DOCK4: variants seen among roughly 807,000 people sequenced by gnomAD.
DOCK4 encodes the protein dedicator of cytokinesis 4, also known as dedicator of cytokinesis protein 4.
DOCK4 carries 97 observed loss-of-function variants against 268.1 expected under a neutral mutation model. The observed-to-expected ratio is 0.36, with a 90% CI of 0.31 to 0.43. The LOEUF is 0.43. Ranked by LOEUF, DOCK4 falls within the 20% of genes least tolerant of loss-of-function variation. The probability of loss-of-function intolerance (pLI) is 1.00; values close to 1 mark genes in which losing one functional copy is unlikely to be tolerated. For synonymous variants in DOCK4, 954 were observed against 887.2 expected (o/e 1.08, Z -1.34); for missense variants, 2,145 against 2,455.7 (o/e 0.87, Z 2.67).
chr7:111,917,660 C>T (rs1030917915), intron 12 of DOCK4, among the ~76,000 whole-genome samples: 5 of 150,892 alleles, frequency 3.3e-5, no homozygotes, highest in Admixed American at 1.3e-4. Flanking sequence ...GAGCCGAGAT[C>T]GCACAGCTGC....
At chr7:112,136,248 T>C (rs1481567070) in intron 1 of DOCK4, among the ~76,000 whole-genome samples, 3 of 152,152 alleles carry the variant, frequency 2.0e-5, no homozygotes, top group African/African-American at 7.2e-5. Context: ...ATAGAAACTA[T>C]GAAGGACTAG....
chr7:112,023,631 T>G (rs1035781944), intron 1 of DOCK4: 2 of 452,846 alleles, frequency 4.4e-6, no homozygotes, highest in Non-Finnish European at 8.9e-6. Context: ...TTTGTTTGTT[T>G]TTAAAAACTC....
intron 23 of DOCK4, among the ~76,000 whole-genome samples, chr7:111,859,713 G>A (rs1402170238): frequency 3.3e-5 from 5 of 149,962 alleles, no homozygotes; most frequent in South Asian, 2.1e-4. Context: ...GACTACAGGC[G>A]CCCGCCACTA....
In DOCK4 at chr7:111,783,857, C is replaced by G. The variant is rs1397186926; in HGVS notation, c.3524G>C (p.Arg1175Thr). ...TRLMERLLDY[R>T]DCMKMGEVDG... ...CAGAAAAACATGCGACTTGGCTTAC[C>G]TGTAATCTAACAACCTCTCCATTAG... Residue 1175 changes from arginine to threonine, a missense_variant and splice_region_variant, in exon 34 of 53, where the codon AGG becomes ACG. By Grantham distance (71) the Arg-to-Thr change is moderately conservative. This residue lies in a region of DOCK4 where 1,598 missense variants were observed against 1,986.7 expected (regional missense o/e 0.80). Coordinates refer to ENST00000428084, the MANE Select transcript of DOCK4 (RefSeq NM_001363540.2). 1 of 1,597,422 alleles carries G rather than the reference C, an allele frequency of 6.3e-7. No individual in the cohort carries two copies. Among genetic ancestry groups the G allele is most frequent in the Non-Finnish European group, 8.5e-7 (1 of 1,171,434 alleles).
intron 26 of DOCK4, among the ~76,000 whole-genome samples, chr7:111,826,763 A>T (rs1586104695): frequency 6.6e-6 from 1 of 152,122 alleles, no homozygotes; most frequent in Non-Finnish European, 1.5e-5. Context: ...GGGCTGAAAA[A>T]CTACCTATTG....
At chr7:112,135,624 C>T (rs1814261265) in intron 1 of DOCK4, among the ~76,000 whole-genome samples, 1 of 152,026 alleles carries the variant, frequency 6.6e-6, no homozygotes, top group Non-Finnish European at 1.5e-5. Context: ...CTTGATTAAG[C>T]TGCCTGTAGA....
At chr7:112,149,148 TA>T (rs1815800566) in intron 1 of DOCK4, among the ~76,000 whole-genome samples, 1 of 152,198 alleles carries the variant, frequency 6.6e-6, no homozygotes, top group South Asian at 2.1e-4. Flanking sequence ...AAGAGAGACT[TA>T]TGATTCATTA....
chr7:112,129,799 C>A (rs974456361), intron 1 of DOCK4, among the ~76,000 whole-genome samples: 2 of 152,104 alleles, frequency 1.3e-5, no homozygotes, highest in African/African-American at 4.8e-5. Flanking sequence ...AACATTCCTC[C>A]TTTTATGGGG....
At chr7:112,118,023 G>A (rs953957858) in intron 1 of DOCK4, among the ~76,000 whole-genome samples, 2 of 152,032 alleles carry the variant, frequency 1.3e-5, no homozygotes, top group Admixed American at 6.5e-5. Flanking sequence ...ATCCATGCAC[G>A]ATTTTCTACA....
chr7:111,940,758 G>A (rs561637555), intron 10 of DOCK4, among the ~76,000 whole-genome samples: 7 of 152,136 alleles, frequency 4.6e-5, no homozygotes, highest in Admixed American at 1.3e-4. Flanking sequence ...TCACCAAAAT[G>A]GTTTTAACTG....
At chr7:111,898,011 C>T (rs1176410592) in intron 15 of DOCK4, among the ~76,000 whole-genome samples, 1 of 152,176 alleles carries the variant, frequency 6.6e-6, no homozygotes, top group Non-Finnish European at 1.5e-5. Flanking sequence ...AAATCTCTTA[C>T]TTGGAAGACT....
At chr7:112,180,388 A>G (rs1351430452) in intron 1 of DOCK4, among the ~76,000 whole-genome samples, 1 of 152,108 alleles carries the variant, frequency 6.6e-6, no homozygotes, top group African/African-American at 2.4e-5. Flanking sequence ...GACAACTTTT[A>G]CCCCGACAGG....
intron 7 of DOCK4, among the ~76,000 whole-genome samples, chr7:111,983,510 C>A (rs1255871412): frequency 6.6e-6 from 1 of 152,010 alleles, no homozygotes; most frequent in Admixed American, 6.6e-5. Flanking sequence ...TTTGGATTTT[C>A]AGAACTTAGT....
At chr7:111,944,968 C>T (rs1795503639) in intron 9 of DOCK4, 97 bp from the exon 10 acceptor site, 3 of 906,770 alleles carry the variant, frequency 3.3e-6, no homozygotes, top group Non-Finnish European at 5.4e-6. Flanking sequence ...AAGAGATGGA[C>T]ACAGACATTC....
chr7:111,816,544 A>C (rs538723435), intron 27 of DOCK4, among the ~76,000 whole-genome samples: 85 of 152,344 alleles, frequency 5.6e-4, no homozygotes, highest in African/African-American at 1.7e-3. Flanking sequence ...ACCAGGCCCA[A>C]CCAGGTGATT....
At chr7:112,129,584 A>C (rs1446115489) in intron 1 of DOCK4, among the ~76,000 whole-genome samples, 1 of 152,200 alleles carries the variant, frequency 6.6e-6, no homozygotes, top group Non-Finnish European at 1.5e-5. Flanking sequence ...TACCAATTTT[A>C]ATAAATTGGT....
chr7:111,961,611 A>C (rs1210979184), intron 8 of DOCK4, among the ~76,000 whole-genome samples: 2 of 152,242 alleles, frequency 1.3e-5, no homozygotes, highest in Non-Finnish European at 1.5e-5. Context: ...TCTCTCACAG[A>C]ATCTTTATTA....
At chr7:112,052,214 A>AT (rs771354124) in intron 1 of DOCK4, among the ~76,000 whole-genome samples, 29 of 152,154 alleles carry the variant, frequency 1.9e-4, no homozygotes, top group Non-Finnish European at 3.8e-4. Flanking sequence ...TTTATAAAAT[A>AT]TTTTTGATCT....
intron 1 of DOCK4, among the ~76,000 whole-genome samples, chr7:112,135,925 T>A (rs1290679762): frequency 1.3e-5 from 2 of 152,108 alleles, no homozygotes; most frequent in Non-Finnish European, 2.9e-5. Context: ...TCTTCCTAAT[T>A]CCAGGCCACC....
Sources: gnomAD v4.1 joint callset for allele counts (sites outside exome capture counted in the v4.1 genomes callset) on GRCh38, gnomAD v4.1.1 for gene constraint, gnomAD v4.1.1 regional missense constraint, MANE v1.5 for transcripts, NCBI Gene and HGNC (gene_info 2026-07-23, HGNC 2026-07-21) for gene names.